Variants in DNAH9 observed in about 807,000 individuals in gnomAD.
DNAH9 encodes DNAH9 variant protein.
DNAH9 carries 345 observed loss-of-function variants against 471.6 expected under a neutral mutation model. That is an observed-to-expected ratio of 0.73 (90% CI 0.67 to 0.80). The LOEUF (loss-of-function observed/expected upper bound fraction) is 0.80. Ranked by LOEUF, DNAH9 falls within the 30% of genes least tolerant of loss-of-function variation. The pLI, the probability that DNAH9 is intolerant of heterozygous loss-of-function variation, is 0.00. For synonymous variants in DNAH9, 2,093 were observed against 2,123.6 expected (o/e 0.99, Z 0.40); for missense variants, 5,407 against 5,609.2 (o/e 0.96, Z 1.15).
At chr17:11,646,607 G>A (rs1456899266) in intron 11 of DNAH9, among the ~76,000 whole-genome samples, 1 of 152,110 alleles carries the variant, frequency 6.6e-6, no homozygotes, top group African/African-American at 2.4e-5. Flanking sequence ...TTTAAGCAAT[G>A]CTACCTTTAG....
intron 28 of DNAH9, among the ~76,000 whole-genome samples, chr17:11,729,351 A>G (rs1361883445): frequency 6.6e-6 from 1 of 152,130 alleles, no homozygotes; most frequent in Non-Finnish European, 1.5e-5. Flanking sequence ...TGCCCTTAAC[A>G]GAGCAAAGCA....
intron 49 of DNAH9, among the ~76,000 whole-genome samples, chr17:11,847,064 GT>G (rs1971251610): frequency 6.6e-6 from 1 of 152,054 alleles, no homozygotes; most frequent in South Asian, 2.1e-4. Flanking sequence ...TAATGAGGTG[GT>G]TTTTTTCTTG....
At chr17:11,857,059 G>C (rs1024344270) in intron 50 of DNAH9, among the ~76,000 whole-genome samples, 20 of 152,040 alleles carry the variant, frequency 1.3e-4, no homozygotes, top group Admixed American at 3.3e-4. Flanking sequence ...AAGATCTCCC[G>C]ATAATTTTTA....
chr17:11,858,654 T>G (rs573385334), intron 50 of DNAH9, among the ~76,000 whole-genome samples: 47 of 152,354 alleles, frequency 3.1e-4, no homozygotes, highest in Non-Finnish European at 5.3e-4. Flanking sequence ...TGATATCTAT[T>G]TTTTGATGTA....
In DNAH9 at chr17:11,669,652, G is replaced by T. The variant is rs1400601101; in HGVS notation, c.3211G>T (p.Glu1071Ter). 1.2e-6 allele frequency: 2 copies of T among 1,614,184 alleles called. No individual in the cohort carries two copies. Among genetic ancestry groups the T allele is most frequent in the Middle Eastern group, 1.6e-4 (1 of 6,062 alleles). Residue 1071 changes from glutamate to a stop codon, truncating the protein, a stop_gained, in exon 17 of 69, where the codon GAG becomes TAG. Coordinates refer to ENST00000262442, the MANE Select transcript of DNAH9 (RefSeq NM_001372.4). LOFTEE classifies it high-confidence loss of function. Reference sequence around the variant, plus strand: ...CGACTCCTATGAAACGCTCTATGAAGAGGTGTGCAGGCTGGAACCCATCAA... The same window carrying T: ...CGACTCCTATGAAACGCTCTATGAATAGGTGTGCAGGCTGGAACCCATCAA... ...QIDSYETLYEEVCRLEPIKVF... is the reference protein window; with the variant it reads ...QIDSYETLYE
chr17:11,734,894 G>A (rs995553236), intron 28 of DNAH9, among the ~76,000 whole-genome samples: 1 of 152,174 alleles, frequency 6.6e-6, no homozygotes, highest in Non-Finnish European at 1.5e-5. Flanking sequence ...GGGCCATGTG[G>A]GCAGAGGTAG....
intron 67 of DNAH9, among the ~76,000 whole-genome samples, chr17:11,942,869 C>A (rs933706742): frequency 9.9e-5 from 15 of 151,036 alleles, no homozygotes; most frequent in Non-Finnish European, 1.9e-4. Context: ...AAGGTGACTG[C>A]TGTCGATTTA....
intron 43 of DNAH9, among the ~76,000 whole-genome samples, chr17:11,800,468 T>A (rs1407105001): frequency 3.3e-5 from 5 of 152,176 alleles, no homozygotes; most frequent in African/African-American, 1.2e-4. Flanking sequence ...AAACATGCTA[T>A]GTTATCATTT....
chr17:11,609,708 T>A (rs538049720), intron 2 of DNAH9, among the ~76,000 whole-genome samples: 76 of 152,338 alleles, frequency 5.0e-4, no homozygotes, highest in African/African-American at 1.8e-3. Flanking sequence ...ATTAAAAAAA[T>A]TTTAACTGCT....
At chr17:11,746,644 T>G (rs1168892858) in intron 31 of DNAH9, among the ~76,000 whole-genome samples, 2 of 152,120 alleles carry the variant, frequency 1.3e-5, no homozygotes, top group Non-Finnish European at 2.9e-5. Flanking sequence ...AGATGAGATT[T>G]GGGTAGGGAC....
intron 22 of DNAH9, 99 bp downstream of exon 22, chr17:11,694,546 G>A: frequency 2.2e-6 from 3 of 1,348,408 alleles, no homozygotes; most frequent in Non-Finnish European, 2.1e-6. Flanking sequence ...CTCTCTGGCA[G>A]GTTCTGTACT....
At chr17:11,693,122 TC>T (rs2074362892) in intron 20 of DNAH9, among the ~76,000 whole-genome samples, 1 of 146,386 alleles carries the variant, frequency 6.8e-6, no homozygotes, top group African/African-American at 2.5e-5. Flanking sequence ...ACCATGTTGG[TC>T]AGGCTGGTCT....
intron 14 of DNAH9, among the ~76,000 whole-genome samples, chr17:11,659,595 A>T (rs1419513637): frequency 4.6e-5 from 7 of 152,224 alleles, no homozygotes. Context: ...AATTCATTGT[A>T]TCTTGAATTA....
chr17:11,745,003 GAGA>G lies in DNAH9; in HGVS notation c.6319_6321del (p.Arg2107del). 1 of 1,614,136 alleles carries G rather than the reference GAGA, an allele frequency of 6.2e-7. No homozygotes were observed. The highest frequency in any genetic ancestry group is 8.5e-7 in the Non-Finnish European group (1 of 1,180,006). On this transcript the variant is annotated inframe_deletion, in exon 31 of 69. Transcript: ENST00000262442. ...TTCCCGCCCTGGATGTCCCCCGGAG[GAGA>G]GACCCCAACTTCGAAGCTTTGGTTA...
chr17:11,636,743 G>T lies in DNAH9; in HGVS notation c.1745G>T (p.Arg582Met). ...TTCAACAAAGATCTGGATGCAGTGAGGATGATCTACAGTCAGCACGTCCAG... is the reference window on the plus strand; with the variant it reads ...TTCAACAAAGATCTGGATGCAGTGATGATGATCTACAGTCAGCACGTCCAG... Reference protein sequence around the residue: ...QMFNKDLDAVRMIYSQHVQEE... With the variant: ...QMFNKDLDAVMMIYSQHVQEE... Residue 582 changes from arginine (R) to methionine (M), a missense_variant, in exon 9 of 69, where the codon AGG becomes ATG. Arg to Met is a moderately conservative substitution (Grantham distance 91). Transcript: ENST00000262442. 6.2e-7 allele frequency: 1 copy of T among 1,614,122 alleles called. No homozygotes were observed. The highest frequency in any genetic ancestry group is 8.5e-7 in the Non-Finnish European group (1 of 1,179,958).
At chr17:11,602,029 T>C (rs190498742) in intron 1 of DNAH9, among the ~76,000 whole-genome samples, 3 of 152,336 alleles carry the variant, frequency 2.0e-5, no homozygotes, top group African/African-American at 7.2e-5. Context: ...TTTAGTAACT[T>C]GTTCTCCTAC....
chr17:11,606,416 T>TACTGACA (rs1369201514), intron 1 of DNAH9, among the ~76,000 whole-genome samples: 1 of 151,442 alleles, frequency 6.6e-6, no homozygotes, highest in Non-Finnish European at 1.5e-5. Context: ...CGGGTGAGTT[T>TACTGACA]ACTGACAACT....
chr17:11,758,472 G>A (rs750275464), intron 35 of DNAH9, among the ~76,000 whole-genome samples: 3 of 152,174 alleles, frequency 2.0e-5, no homozygotes, highest in African/African-American at 4.8e-5. Flanking sequence ...TGCTGTGAAG[G>A]CAATGTGACT....
chr17:11,865,785 G>A lies in DNAH9; in HGVS notation c.9934-3349G>A, dbSNP rs369934450. Among the ~76,000 whole-genome samples, 346 of 152,180 alleles carry A rather than the reference G, an allele frequency of 2.3e-3. 9 individuals carry two copies. The South Asian group carries it at 0.067, about 29-fold the overall frequency. The stretch of plus-strand genomic sequence containing the variant: ...TTCATTCATTTCATCTTCCATCACT[G>A]ATACCCTTTCTTCCAGTTGATCACA... On this transcript the variant is annotated intron_variant, in intron 50 of 68. Transcript: ENST00000262442.
Sources: gnomAD v4.1 joint callset for allele counts (sites outside exome capture counted in the v4.1 genomes callset) on GRCh38, gnomAD v4.1.1 for gene constraint, MANE v1.5 for transcripts, NCBI Gene and HGNC (gene_info 2026-07-23, HGNC 2026-07-21) for gene names.